DENND6A: variants seen among roughly 807,000 people sequenced by gnomAD.
DENND6A encodes the protein DENN domain containing 6A, also known as protein DENND6A.
A neutral mutation model predicts 95.5 loss-of-function variants in DENND6A; 43 were observed. The observed-to-expected ratio is 0.45, with a 90% CI of 0.35 to 0.58. The LOEUF (loss-of-function observed/expected upper bound fraction) is 0.58, where lower values mean the gene tolerates loss of function less well. Ranked by LOEUF, DENND6A falls within the 20% of genes least tolerant of loss-of-function variation. The pLI is 0.00. For missense variants in DENND6A, 574 were observed against 736.0 expected (o/e 0.78, Z 2.55); for synonymous variants, 257 against 260.4 (o/e 0.99, Z 0.13).
intron 19 of DENND6A, 133 bp from the exon 20 acceptor site, chr3:57,628,478 T>G: frequency 7.8e-7 from 1 of 1,283,152 alleles, no homozygotes; most frequent in Non-Finnish European, 1.0e-6. Flanking sequence ...TTACAGAAAC[T>G]AAAAAAGCAA....
chr3:57,657,635 C>T (rs77468196), intron 9 of DENND6A, 45 bp downstream of exon 9: 36,748 of 1,310,060 alleles, frequency 0.028, 620 homozygotes, highest in Middle Eastern at 0.032. Flanking sequence ...ACACCACCAC[C>T]ACAAAGCAAA....
At chr3:57,630,201 T>C (rs780698513) in intron 18 of DENND6A, 4 of 459,312 alleles carry the variant, frequency 8.7e-6, no homozygotes, top group African/African-American at 2.1e-5. Flanking sequence ...CATGATGCAG[T>C]TCATAACACA....
chr3:57,670,513 G>C (rs2071598216), intron 3 of DENND6A, among the ~76,000 whole-genome samples: 1 of 152,176 alleles, frequency 6.6e-6, no homozygotes, highest in Non-Finnish European at 1.5e-5. Context: ...CAGTGATAAA[G>C]AGTTTTCTCT....
At chr3:57,644,360 C>T (rs1005394997) in intron 11 of DENND6A, among the ~76,000 whole-genome samples, 3 of 151,852 alleles carry the variant, frequency 2.0e-5, no homozygotes, top group Non-Finnish European at 2.9e-5. Context: ...GGCTGGAGTC[C>T]AGTGGCACGA....
At chr3:57,682,059 C>G (rs17058455) in intron 1 of DENND6A, among the ~76,000 whole-genome samples, 3,396 of 152,222 alleles carry the variant, frequency 0.022, 129 homozygotes, top group African/African-American at 0.077. Context: ...ATCATAGTCT[C>G]TCTCCCATTG....
At chr3:57,634,644 T>C in intron 13 of DENND6A, 22 bp from the exon 14 acceptor site, 1 of 1,490,972 alleles carries the variant, frequency 6.7e-7, no homozygotes, top group Non-Finnish European at 9.0e-7. Context: ...GAAAAGAAGG[T>C]AAACAAAAAA....
At chr3:57,655,294 A>G (rs1196475348) in intron 9 of DENND6A, among the ~76,000 whole-genome samples, 1 of 152,190 alleles carries the variant, frequency 6.6e-6, no homozygotes, top group Non-Finnish European at 1.5e-5. Context: ...CGGCCTCCCA[A>G]AGTGCTGGGA....
At chr3:57,677,134 A>G (rs1327139305) in intron 1 of DENND6A, among the ~76,000 whole-genome samples, 1 of 152,092 alleles carries the variant, frequency 6.6e-6, no homozygotes, top group East Asian at 1.9e-4. Context: ...TCAAACTGTT[A>G]TTTTTTAAAT....
At chr3:57,646,874 A>G (rs1056828474) in intron 9 of DENND6A, among the ~76,000 whole-genome samples, 7 of 152,230 alleles carry the variant, frequency 4.6e-5, no homozygotes, top group Admixed American at 4.6e-4. Flanking sequence ...CTGACATTAA[A>G]GAATGATGAC....
intron 9 of DENND6A, chr3:57,654,534 G>C: frequency 1.4e-6 from 1 of 739,500 alleles, no homozygotes; most frequent in South Asian, 6.1e-5. Flanking sequence ...TAACTGATGT[G>C]TCTCTCATTG....
chr3:57,639,354 G>A (rs988887937), intron 12 of DENND6A, among the ~76,000 whole-genome samples: 1 of 152,174 alleles, frequency 6.6e-6, no homozygotes, highest in Admixed American at 6.5e-5. Context: ...ACAGTTTGGT[G>A]ATTTCTTAAA....
chr3:57,681,170 A>G (rs771783245), intron 1 of DENND6A, among the ~76,000 whole-genome samples: 8 of 152,152 alleles, frequency 5.3e-5, no homozygotes, highest in Non-Finnish European at 1.0e-4. Context: ...CTCCTCAAAA[A>G]AGTTTAAAAA....
intron 9 of DENND6A, among the ~76,000 whole-genome samples, chr3:57,647,373 C>T (rs2071101688): frequency 6.6e-6 from 1 of 152,102 alleles, no homozygotes. Context: ...AGTCCTAAAG[C>T]AGAACATGGT....
At chr3:57,671,513 G>A (rs2071616630) in intron 3 of DENND6A, among the ~76,000 whole-genome samples, 1 of 150,764 alleles carries the variant, frequency 6.6e-6, no homozygotes, top group Non-Finnish European at 1.5e-5. Flanking sequence ...CTGGGTGACA[G>A]AGCGAGACTC....
intron 9 of DENND6A, among the ~76,000 whole-genome samples, chr3:57,651,598 C>T (rs942617437): frequency 1.2e-4 from 18 of 151,628 alleles, no homozygotes; most frequent in African/African-American, 4.4e-4. Context: ...GGTTGCACAA[C>T]TTTGTGAATA....
chr3:57,688,089 G>A lies in DENND6A; in HGVS notation c.237+4693C>T, dbSNP rs551972904. Among the ~76,000 whole-genome samples the A allele has an allele frequency of 5.3e-4, 81 of 151,724 alleles. No homozygotes were observed. In the Middle Eastern group the frequency reaches 0.031, roughly 57 times the overall value. On this transcript the variant is annotated intron_variant, in intron 1 of 19. Coordinates refer to ENST00000311128, the MANE Select transcript of DENND6A (RefSeq NM_152678.3). ...CAGTTCACTGCAACCTCTGCCTCCC[G>A]GGTTCAAGCGATTCTCCTGCCTCAG...
In DENND6A at chr3:57,678,993, A is replaced by T. The variant is rs527419077; in HGVS notation, c.238-6555T>A. On this transcript the variant is annotated intron_variant, in intron 1 of 19. Transcript: ENST00000311128. ...GTGGCACACACCTGTAATCACAGCT[A>T]CTCAGGAAGCTGAGGCACAAGTATG... is the stretch of plus-strand genomic sequence containing the variant. Among the ~76,000 whole-genome samples, 3 of 152,362 alleles carry T rather than the reference A, an allele frequency of 2.0e-5. No homozygotes were observed. The East Asian group carries it at 5.8e-4, about 29-fold the overall frequency.
chr3:57,666,253 G>C lies in DENND6A; in HGVS notation c.320-18C>G, dbSNP rs1463482682. 1 of 1,577,748 alleles carries C rather than the reference G, an allele frequency of 6.3e-7. No homozygotes were observed. The highest frequency in any genetic ancestry group is 1.4e-5 in the African/African-American group (1 of 74,054). On this transcript the variant is annotated intron_variant, in intron 3 of 19. Coordinates refer to ENST00000311128, the MANE Select transcript of DENND6A (RefSeq NM_152678.3). ...AAGACAACCTAATGAAAATAAAAAT[G>C]AAATAAATTAAGGATAGCTTAGTAT...
At chr3:57,663,192 T>G (rs1575847725) in intron 5 of DENND6A, among the ~76,000 whole-genome samples, 1 of 140,826 alleles carries the variant, frequency 7.1e-6, no homozygotes, top group African/African-American at 2.6e-5. Context: ...ATAAGCCAGG[T>G]GCAGTAGCTC....
Sources: gnomAD v4.1 joint callset for allele counts (sites outside exome capture counted in the v4.1 genomes callset) on GRCh38, gnomAD v4.1.1 for gene constraint, MANE v1.5 for transcripts, NCBI Gene and HGNC (gene_info 2026-07-23, HGNC 2026-07-21) for gene names.